The following TTLL6 variants were observed in gnomAD, a reference collection of about 807,000 sequenced individuals.
TTLL6 encodes tubulin polyglutamylase TTLL6.
In TTLL6, 75 loss-of-function variants were observed where a neutral mutation model predicts 96.4. The ratio of observed to expected loss-of-function variants is 0.78; its 90% CI spans 0.65 to 0.94. TTLL6 has a LOEUF of 0.94. Ranked by LOEUF, TTLL6 falls within the 40% of genes least tolerant of loss-of-function variation. TTLL6 has a pLI of 0.00. For missense variants in TTLL6, 1,030 were observed against 1,093.0 expected (o/e 0.94, Z 0.81); for synonymous variants, 411 against 419.4 (o/e 0.98, Z 0.24).
intron 13 of TTLL6, among the ~76,000 whole-genome samples, chr17:48,780,126 A>C (rs1050759702): frequency 6.6e-6 from 1 of 152,122 alleles, no homozygotes; most frequent in Non-Finnish European, 1.5e-5. Flanking sequence ...ATATAATCAA[A>C]TCATATTTAA....
chr17:48,799,712 G>A lies in TTLL6; in HGVS notation c.660C>T (p.Tyr220=), dbSNP rs1431092082. The change falls in exon 6 of 16, where the codon TAC becomes TAT. Residue 220 remains tyrosine, a synonymous_variant. Coordinates refer to ENST00000393382, the MANE Select transcript of TTLL6 (RefSeq NM_001130918.3). ...TYSRSRKNKT[Y]ICKPDSGCQG... ...GGCAGCCCGAATCCGGCTTACAAAT[G>A]TATGTCTTATTTTTTCTTGACCTGC... The A allele has an allele frequency of 6.4e-7, 1 of 1,551,738 alleles. No individual in the cohort carries two copies.
intron 8 of TTLL6, chr17:48,794,175 GAAC>G: frequency 6.2e-7 from 1 of 1,613,760 alleles, no homozygotes; most frequent in African/African-American, 1.3e-5. Context: ...GGAAGAGGCA[GAAC>G]AACACTTGAA....
At chr17:48,775,200 C>A (rs2038846432) in intron 13 of TTLL6, among the ~76,000 whole-genome samples, 2 of 151,420 alleles carry the variant, frequency 1.3e-5, no homozygotes, top group Non-Finnish European at 2.9e-5. Context: ...ATACTTCCTA[C>A]TTCCCAACTC....
intron 8 of TTLL6, 150 bp from the exon 9 acceptor site, chr17:48,791,753 T>C: frequency 1.6e-6 from 1 of 645,094 alleles, no homozygotes. Context: ...ACCTGGGCTG[T>C]GTCGGTGCCA....
At chr17:48,773,900 T>A (rs573787248) in intron 13 of TTLL6, among the ~76,000 whole-genome samples, 1 of 150,086 alleles carries the variant, frequency 6.7e-6, no homozygotes, top group African/African-American at 2.5e-5. Context: ...CTGACCAACA[T>A]GGAGAAACCC....
chr17:48,808,370 A>ATGTGTGTG (rs1408353178), intron 1 of TTLL6, among the ~76,000 whole-genome samples: 2 of 137,476 alleles, frequency 1.5e-5, no homozygotes, highest in African/African-American at 5.8e-5. Flanking sequence ...CGCTTCTCAT[A>ATGTGTGTG]TGTATGTGTG....
chr17:48,769,835 T>C lies in TTLL6; in HGVS notation c.2303A>G (p.Asn768Ser), dbSNP rs1567714377. The C allele has an allele frequency of 6.2e-7, 1 of 1,614,250 alleles. No individual in the cohort carries two copies. Among genetic ancestry groups the C allele is most frequent in the Non-Finnish European group, 8.5e-7 (1 of 1,180,044 alleles). ...TNWTLLKSDM[N>S]KPHLISELLT... Reference sequence around the variant, plus strand: ...TAGCTCGGATATCAAATGTGGCTTGTTCATGTCACTCTTTAGCAAAGTCCA... The same window carrying C: ...TAGCTCGGATATCAAATGTGGCTTGCTCATGTCACTCTTTAGCAAAGTCCA... Residue 768 changes from asparagine to serine, a missense_variant, in exon 14 of 16, where the codon AAC becomes AGC. Coordinates refer to ENST00000393382, the MANE Select transcript of TTLL6 (RefSeq NM_001130918.3).
At chr17:48,766,934 GTT>G (rs1567712636) in intron 15 of TTLL6, among the ~76,000 whole-genome samples, 7 of 3,766 alleles carry the variant, frequency 1.9e-3, no homozygotes, top group Admixed American at 4.2e-3. Flanking sequence ...TGTTGTTGTT[GTT>G]TTGTTTTGTT....
intron 9 of TTLL6, among the ~76,000 whole-genome samples, chr17:48,790,645 G>A (rs2039200099): frequency 6.6e-6 from 1 of 152,108 alleles, no homozygotes; most frequent in Admixed American, 6.5e-5. Flanking sequence ...CTGCTCTTTG[G>A]GTAAGGGCTG....
chr17:48,808,857 C>T (rs2039542190), intron 1 of TTLL6, among the ~76,000 whole-genome samples: 1 of 152,228 alleles, frequency 6.6e-6, no homozygotes, highest in Non-Finnish European at 1.5e-5. Flanking sequence ...AGGCGTAAGC[C>T]ACCACGCCTG....
chr17:48,797,183 T>G lies in TTLL6; in HGVS notation c.790A>C (p.Lys264Gln), dbSNP rs2039331952. The change falls in exon 7 of 16, where the codon AAG (lysine) becomes CAG (glutamine). Residue 264 changes from lysine (K) to glutamine (Q), a missense_variant. Lys to Gln is a moderately conservative substitution (Grantham distance 53). Transcript: ENST00000393382. The stretch of plus-strand genomic sequence containing the variant: ...AGTACATAAATCCGTAGGTCAAACT[T>G]AAACCCATCAATGATAAAGGGCTGG... ...ISKPFIIDGF[K>Q]FDLRIYVLVT... is the part of the protein sequence containing the mutation. 6.4e-7 allele frequency: 1 copy of G among 1,550,956 alleles called. No homozygotes were observed. Among genetic ancestry groups the G allele is most frequent in the Non-Finnish European group, 8.7e-7 (1 of 1,146,728 alleles).
Position 48,785,044 on chromosome 17 carries a change from C to T in TTLL6, c.1919G>A (p.Ser640Asn). Reference sequence around the variant, plus strand: ...GATATTCCTCAGATCGGGTAGAGAACTGAAGGGCTTCGCAGACGTCAGCTT... The same window carrying T: ...GATATTCCTCAGATCGGGTAGAGAATTGAAGGGCTTCGCAGACGTCAGCTT... Reference protein sequence around the residue: ...FPKLTSAKPFSSLPDLRNINL... With the variant: ...FPKLTSAKPFNSLPDLRNINL... The change falls in exon 13 of 16, where the codon AGT becomes AAT. Residue 640 changes from serine (S) to asparagine (N), a missense_variant. Transcript: ENST00000393382. The T allele has an allele frequency of 6.2e-7, 1 of 1,614,136 alleles. No individual in the cohort carries two copies. Among genetic ancestry groups the T allele is most frequent in the Non-Finnish European group, 8.5e-7 (1 of 1,180,000 alleles).
Position 48,785,022 on chromosome 17 carries a change from A to G in TTLL6, c.1941T>C (p.Asn647=). Residue 647 remains asparagine, a synonymous_variant, in exon 13 of 16, where the codon AAT becomes AAC. Transcript: ENST00000393382. ...KPFSSLPDLR[N]INLSSSKLEP... The stretch of plus-strand genomic sequence containing the variant: ...CCAACTTCGAGCTGCTGAGATTGAT[A>G]TTCCTCAGATCGGGTAGAGAACTGA... 1 of 1,614,144 alleles carries G rather than the reference A, an allele frequency of 6.2e-7. No individual in the cohort carries two copies. The highest frequency in any genetic ancestry group is 1.1e-5 in the South Asian group (1 of 91,072).
intron 12 of TTLL6, 23 bp from the exon 13 acceptor site, chr17:48,785,224 C>T (rs376597655): frequency 6.2e-6 from 10 of 1,613,726 alleles, no homozygotes; most frequent in South Asian, 4.4e-5. Context: ...GAAACCACAA[C>T]ACACAGCCAT....
intron 8 of TTLL6, among the ~76,000 whole-genome samples, chr17:48,792,821 A>G (rs985942075): frequency 3.3e-5 from 5 of 152,174 alleles, no homozygotes; most frequent in East Asian, 1.9e-4. Flanking sequence ...CTTTAAGCCA[A>G]TTTTTTTCAA....
At chr17:48,803,059 A>T (rs1216391077) in intron 3 of TTLL6, among the ~76,000 whole-genome samples, 1 of 151,856 alleles carries the variant, frequency 6.6e-6, no homozygotes, top group African/African-American at 2.4e-5. Context: ...AATTCCAGCT[A>T]CTCAGGGGGC....
At chr17:48,801,120 T>G (rs2039404170) in intron 5 of TTLL6, 135 bp downstream of exon 5, 1 of 783,844 alleles carries the variant, frequency 1.3e-6, no homozygotes, top group Non-Finnish European at 2.1e-6. Context: ...CCTTTATCCC[T>G]TCTCTTCCTG....
intron 6 of TTLL6, among the ~76,000 whole-genome samples, chr17:48,798,755 A>T (rs1366693581): frequency 6.6e-6 from 1 of 152,074 alleles, no homozygotes; most frequent in Non-Finnish European, 1.5e-5. Flanking sequence ...AATAAAAATA[A>T]AATAAAGTAT....
intron 1 of TTLL6, among the ~76,000 whole-genome samples, chr17:48,813,620 A>G (rs2039624603): frequency 6.6e-6 from 1 of 152,096 alleles, no homozygotes; most frequent in African/African-American, 2.4e-5. Flanking sequence ...ATTTTCCTTA[A>G]AGTCAACTGC....
Sources: allele counts gnomAD v4.1 joint callset (sites outside exome capture counted in the v4.1 genomes callset), GRCh38; gene constraint gnomAD v4.1.1; transcripts MANE v1.5; gene names NCBI Gene and HGNC (gene_info 2026-07-23, HGNC 2026-07-21).